The following TASP1 variants were observed in gnomAD, a reference collection of about 807,000 sequenced individuals.
TASP1 encodes taspase 1.
A neutral mutation model predicts 56.6 loss-of-function variants in TASP1; 16 were observed. That is an observed-to-expected ratio of 0.28 (90% CI 0.19 to 0.43). TASP1 has a LOEUF of 0.43. Ranked by LOEUF, TASP1 falls within the 20% of genes least tolerant of loss-of-function variation. The probability of loss-of-function intolerance (pLI) is 1.00; values close to 1 mark genes in which losing one functional copy is unlikely to be tolerated. For synonymous variants in TASP1, 179 were observed against 184.2 expected, an observed-to-expected ratio of 0.97 and a Z score of 0.23; for missense variants, 393 against 511.6, an observed-to-expected ratio of 0.77 and a Z score of 2.24.
At chr20:13,528,037 C>A (rs1333151399) in intron 10 of TASP1, among the ~76,000 whole-genome samples, 4 of 151,798 alleles carry the variant, frequency 2.6e-5, no homozygotes, top group African/African-American at 9.7e-5. Context: ...GCCTGGCCAA[C>A]ATGGCAAAAC....
intron 10 of TASP1, among the ~76,000 whole-genome samples, chr20:13,516,663 T>G (rs939398568): frequency 1.0e-4 from 15 of 150,188 alleles, no homozygotes; most frequent in East Asian, 2.0e-4. Context: ...CCTTTGTTTT[T>G]TTTTTTTTTT....
chr20:13,346,932 T>C, the TASP1 span, among the ~76,000 whole-genome samples: 1,592 of 152,354 alleles, frequency 0.01, 26 homozygotes, highest in African/African-American at 0.036. Flanking sequence ...ACTTAGAAGT[T>C]TGACTGTGTT....
intron 9 of TASP1, among the ~76,000 whole-genome samples, chr20:13,530,908 A>G (rs2045194271): frequency 6.6e-6 from 1 of 152,208 alleles, no homozygotes; most frequent in Non-Finnish European, 1.5e-5. Flanking sequence ...TCTTTTTGGT[A>G]GTAAAACTGT....
chr20:13,575,258 T>C (rs1246471010), intron 6 of TASP1, among the ~76,000 whole-genome samples: 4 of 152,206 alleles, frequency 2.6e-5, no homozygotes, highest in Admixed American at 1.3e-4. Context: ...CAAAGTACAA[T>C]ACCTATTCCT....
At chr20:13,596,890 G>A (rs1018546768) in intron 4 of TASP1, among the ~76,000 whole-genome samples, 19 of 152,022 alleles carry the variant, frequency 1.2e-4, no homozygotes, top group Non-Finnish European at 2.2e-4. Context: ...TACCATCAGA[G>A]AATACTATAA....
chr20:13,463,430 G>T (rs1454959285), intron 11 of TASP1, among the ~76,000 whole-genome samples: 2 of 151,880 alleles, frequency 1.3e-5, no homozygotes, highest in African/African-American at 2.4e-5. Context: ...AAAACACAGG[G>T]GGCAAGCTTC....
chr20:13,508,687 T>C (rs998431214), intron 10 of TASP1, among the ~76,000 whole-genome samples: 3 of 152,170 alleles, frequency 2.0e-5, no homozygotes, highest in Admixed American at 1.3e-4. Context: ...AGGACATGAA[T>C]AGGACATTCT....
the TASP1 span, among the ~76,000 whole-genome samples, chr20:13,197,900 A>G: frequency 1.9e-4 from 29 of 152,300 alleles, no homozygotes; most frequent in East Asian, 3.9e-3. Flanking sequence ...GGATATCCTC[A>G]CTGCAAAATA....
chr20:13,191,968 T>C, the TASP1 span, among the ~76,000 whole-genome samples: 1 of 152,192 alleles, frequency 6.6e-6, no homozygotes, highest in Non-Finnish European at 1.5e-5. Flanking sequence ...CCTCCAGAAT[T>C]GTGAGAAATA....
At chr20:13,413,693 C>A (rs921302942) in intron 13 of TASP1, among the ~76,000 whole-genome samples, 10 of 152,034 alleles carry the variant, frequency 6.6e-5, no homozygotes, top group Non-Finnish European at 1.2e-4. Flanking sequence ...ATCAAATGTG[C>A]CACAAGACCC....
intron 5 of TASP1, among the ~76,000 whole-genome samples, chr20:13,581,192 A>C (rs1021875034): frequency 6.6e-6 from 1 of 152,188 alleles, no homozygotes; most frequent in African/African-American, 2.4e-5. Context: ...AAAAGAACGA[A>C]TATAAAATAC....
intron 13 of TASP1, among the ~76,000 whole-genome samples, chr20:13,413,863 A>G (rs1248487031): frequency 6.6e-6 from 1 of 152,152 alleles, no homozygotes. Flanking sequence ...ATTCATCCAC[A>G]TAATATATTT....
chr20:13,571,220 G>T (rs1484873920), intron 6 of TASP1, among the ~76,000 whole-genome samples: 2 of 152,058 alleles, frequency 1.3e-5, no homozygotes, highest in African/African-American at 4.8e-5. Context: ...TATGGATAAG[G>T]ATACTAACTA....
intron 13 of TASP1, among the ~76,000 whole-genome samples, chr20:13,404,116 T>C (rs1196323577): frequency 6.6e-6 from 1 of 152,210 alleles, no homozygotes; most frequent in South Asian, 2.1e-4. Context: ...AAGCAATCAC[T>C]TTCTGATTTC....
At chr20:13,112,289 C>G in the TASP1 span, among the ~76,000 whole-genome samples, 1 of 152,218 alleles carries the variant, frequency 6.6e-6, no homozygotes, top group Non-Finnish European at 1.5e-5. Context: ...GGTACTGGCT[C>G]TCACCTGGAG....
intron 13 of TASP1, among the ~76,000 whole-genome samples, chr20:13,415,913 A>G (rs1419956244): frequency 6.6e-6 from 1 of 152,214 alleles, no homozygotes; most frequent in Non-Finnish European, 1.5e-5. Flanking sequence ...AAATGGCTTC[A>G]AGCTACTGTT....
the TASP1 span, chr20:13,299,509 C>G: frequency 8.6e-6 from 13 of 1,506,754 alleles, no homozygotes; most frequent in Non-Finnish European, 1.2e-5. The surrounding 1 kb of genome is among the most constrained non-coding windows in gnomAD (Gnocchi z 5.8). Context: ...GGAGCACACA[C>G]GTGCTGCACT....
At chr20:13,464,027 C>A (rs561958301) in intron 11 of TASP1, among the ~76,000 whole-genome samples, 9 of 152,234 alleles carry the variant, frequency 5.9e-5, no homozygotes, top group African/African-American at 2.2e-4. Flanking sequence ...GAAAGCAAAT[C>A]TCAAAGAGAT....
At chr20:13,473,029 C>T (rs535619790) in intron 11 of TASP1, among the ~76,000 whole-genome samples, 15 of 152,160 alleles carry the variant, frequency 9.9e-5, no homozygotes, top group African/African-American at 3.4e-4. Flanking sequence ...TATAAAGACA[C>T]ATGCACACAT....
Sources: allele counts gnomAD v4.1 joint callset (sites outside exome capture counted in the v4.1 genomes callset), GRCh38; gene constraint gnomAD v4.1.1; non-coding constraint Gnocchi (gnomAD v3.1); transcripts MANE v1.5; gene names NCBI Gene and HGNC (gene_info 2026-07-23, HGNC 2026-07-21).